Variants in MACROD2 observed in about 807,000 individuals in gnomAD.
MACROD2 encodes the protein mono-ADP ribosylhydrolase 2.
MACROD2 carries 36 observed loss-of-function variants against 70.4 expected under a neutral mutation model. The ratio of observed to expected loss-of-function variants is 0.51; its 90% CI spans 0.39 to 0.68. The LOEUF (loss-of-function observed/expected upper bound fraction) is 0.68. MACROD2 is among the 30% of genes least tolerant of loss of function. MACROD2 has a pLI of 0.00. For missense variants in MACROD2, 496 were observed against 538.4 expected (o/e 0.92, Z 0.78); for synonymous variants, 172 against 178.8 (o/e 0.96, Z 0.30).
intron 3 of MACROD2, among the ~76,000 whole-genome samples, chr20:14,235,555 A>G: frequency 6.6e-6 from 1 of 152,292 alleles, no homozygotes; most frequent in Admixed American, 6.5e-5. Flanking sequence ...GCCTTGAAAA[A>G]TACTATGAAG....
intron 5 of MACROD2, among the ~76,000 whole-genome samples, chr20:15,027,735 T>G (rs967672448): frequency 6.6e-6 from 1 of 150,708 alleles, no homozygotes; most frequent in African/African-American, 2.4e-5. Context: ...TGAAAAAAAA[T>G]TTCTTATGAG....
intron 12 of MACROD2, among the ~76,000 whole-genome samples, chr20:15,956,608 T>C (rs149079965): frequency 6.1e-4 from 93 of 152,236 alleles, no homozygotes; most frequent in African/African-American, 2.0e-3. Context: ...TAGATACAAA[T>C]TCAGTATATG....
chr20:15,028,195 C>G (rs2075248265), intron 5 of MACROD2, among the ~76,000 whole-genome samples: 1 of 152,210 alleles, frequency 6.6e-6, no homozygotes, highest in East Asian at 1.9e-4. Context: ...GAAGTAGCTT[C>G]AAGGCCATTT....
intron 5 of MACROD2, among the ~76,000 whole-genome samples, chr20:15,056,269 G>A (rs2075484890): frequency 6.6e-6 from 1 of 152,196 alleles, no homozygotes; most frequent in Non-Finnish European, 1.5e-5. Flanking sequence ...GCAACCCAAA[G>A]ATAACTTCGC....
At chr20:14,421,528 T>A (rs1391996424) in intron 3 of MACROD2, among the ~76,000 whole-genome samples, 1 of 152,202 alleles carries the variant, frequency 6.6e-6, no homozygotes, top group East Asian at 1.9e-4. Context: ...ATTCTATTCA[T>A]AGTCTTTTTC....
At chr20:15,630,251 C>T (rs1311341922) in intron 8 of MACROD2, among the ~76,000 whole-genome samples, 2 of 152,208 alleles carry the variant, frequency 1.3e-5, no homozygotes, top group African/African-American at 4.8e-5. Context: ...ATAAATAAAG[C>T]AGGCAAGATG....
intron 8 of MACROD2, among the ~76,000 whole-genome samples, chr20:15,820,430 G>T (rs535335138): frequency 6.6e-6 from 1 of 152,218 alleles, no homozygotes; most frequent in East Asian, 1.9e-4. Context: ...GGGCTCAAGC[G>T]ATCCTTCCTC....
intron 6 of MACROD2, among the ~76,000 whole-genome samples, chr20:15,331,890 C>T (rs1333804031): frequency 6.6e-6 from 1 of 151,590 alleles, no homozygotes; most frequent in African/African-American, 2.4e-5. Context: ...CTGCTCTTCA[C>T]TCTATACATA....
At chr20:14,951,154 G>A (rs2074472530) in intron 5 of MACROD2, among the ~76,000 whole-genome samples, 2 of 152,058 alleles carry the variant, frequency 1.3e-5, no homozygotes, top group Admixed American at 6.6e-5. Flanking sequence ...GCAGTGGTGT[G>A]TAGTGTTCAT....
intron 10 of MACROD2, among the ~76,000 whole-genome samples, chr20:15,899,110 T>C (rs1164519371): frequency 2.0e-5 from 3 of 151,932 alleles, no homozygotes; most frequent in Non-Finnish European, 2.9e-5. Context: ...TCTATATGTA[T>C]GTATATATGT....
intron 3 of MACROD2, among the ~76,000 whole-genome samples, chr20:14,122,981 A>C (rs534806036): frequency 1.3e-5 from 2 of 152,222 alleles, no homozygotes; most frequent in Admixed American, 1.3e-4. Flanking sequence ...CTGGCACCAA[A>C]CTAGTGTTTT....
intron 7 of MACROD2, among the ~76,000 whole-genome samples, chr20:15,448,150 C>G (rs2046594774): frequency 6.6e-6 from 1 of 151,984 alleles, no homozygotes; most frequent in South Asian, 2.1e-4. Context: ...AGAGGAGATG[C>G]TAGAAGCCCA....
chr20:15,920,602 C>T (rs151320930), intron 10 of MACROD2, among the ~76,000 whole-genome samples: 118 of 152,206 alleles, frequency 7.8e-4, no homozygotes, highest in African/African-American at 2.8e-3. Context: ...AGAATGTCCC[C>T]CTTGTTCCCA....
At chr20:14,190,947 T>TCCAC (rs2081382924) in intron 3 of MACROD2, among the ~76,000 whole-genome samples, 1 of 151,526 alleles carries the variant, frequency 6.6e-6, no homozygotes, top group East Asian at 1.9e-4. Context: ...GACCTCATGA[T>TCCAC]CCGCCCGCCT....
At chr20:15,296,459 C>T in intron 6 of MACROD2, among the ~76,000 whole-genome samples, 1 of 152,088 alleles carries the variant, frequency 6.6e-6, no homozygotes, top group East Asian at 1.9e-4. Flanking sequence ...GCTTAGTTTT[C>T]ATAATTATAT....
chr20:14,071,252 GTTTTTTTT>G (rs59052053), intron 2 of MACROD2, among the ~76,000 whole-genome samples: 4,665 of 63,752 alleles, frequency 0.073, 102 homozygotes, highest in Non-Finnish European at 0.1. Context: ...TTCATCTTGT[GTTTTTTTT>G]TTTTTTTTTT....
At chr20:14,292,210 G>C (rs760453989) in intron 3 of MACROD2, among the ~76,000 whole-genome samples, 19 of 152,034 alleles carry the variant, frequency 1.2e-4, no homozygotes, top group African/African-American at 4.6e-4. Flanking sequence ...GCTCTTACTA[G>C]CCAACACTCA....
At chr20:15,318,784 T>C (rs2077841941) in intron 6 of MACROD2, among the ~76,000 whole-genome samples, 1 of 151,984 alleles carries the variant, frequency 6.6e-6, no homozygotes, top group Non-Finnish European at 1.5e-5. Context: ...AGAAAAATAC[T>C]CAAAAACTAG....
chr20:14,003,808 T>A (rs1202240369), intron 2 of MACROD2: 1 of 372,352 alleles, frequency 2.7e-6, no homozygotes, highest in Non-Finnish European at 5.1e-6. Flanking sequence ...GGTTAAGACA[T>A]CATTGAAAGA....
Sources: allele counts gnomAD v4.1 joint callset (sites outside exome capture counted in the v4.1 genomes callset), GRCh38; gene constraint gnomAD v4.1.1; transcripts MANE v1.5; gene names NCBI Gene and HGNC (gene_info 2026-07-23, HGNC 2026-07-21).